PRIMA1: variants seen among roughly 807,000 people sequenced by gnomAD.
PRIMA1 encodes proline rich membrane anchor 1, also known as proline-rich membrane anchor 1.
In PRIMA1, 7 loss-of-function variants were observed where a neutral mutation model predicts 17.5. The observed-to-expected ratio is 0.40, with a 90% confidence interval of 0.23 to 0.75. The LOEUF (loss-of-function observed/expected upper bound fraction) is 0.75, where lower values mean the gene tolerates loss of function less well. Among genes scored for constraint, PRIMA1 ranks in the 30% least tolerant of loss-of-function variants. The pLI, the probability that PRIMA1 is intolerant of heterozygous loss-of-function variation, is 0.37. For synonymous variants in PRIMA1, 97 were observed against 77.9 expected (o/e 1.25, Z -1.29); for missense variants, 200 against 201.8 (o/e 0.99, Z 0.05).
intron 3 of PRIMA1, among the ~76,000 whole-genome samples, chr14:93,756,031 T>C (rs548790053): frequency 6.6e-6 from 1 of 152,094 alleles, no homozygotes; most frequent in Non-Finnish European, 1.5e-5. Context: ...GCAATCCAGG[T>C]TGAGAGCCCT....
At chr14:93,734,686 A>ATG (rs2076137817) in intron 4 of PRIMA1, among the ~76,000 whole-genome samples, 1 of 151,040 alleles carries the variant, frequency 6.6e-6, no homozygotes, top group African/African-American at 2.4e-5. Context: ...AGCCCCGCCC[A>ATG]CACCACATAA....
rs1413696694 is a variant in PRIMA1, at chr14:93,726,859, A to G, written c.360-5313T>C. Among the ~76,000 whole-genome samples the G allele has an allele frequency of 6.6e-6, 1 of 152,166 alleles. No individual in the cohort carries two copies. Among genetic ancestry groups the G allele is most frequent in the Non-Finnish European group, 1.5e-5 (1 of 68,026 alleles). ...CACATGTCCCTACACACATATGCAC[A>G]CATACACATATGTGCACATGCATGC... On this transcript the variant is annotated intron_variant, in intron 4 of 4. Coordinates refer to ENST00000393140, the MANE Select transcript of PRIMA1 (RefSeq NM_178013.4). This position sits in a 1 kb window ranked among gnomAD's most constrained non-coding sequence, Gnocchi z 4.2.
In PRIMA1 at chr14:93,753,847, G is replaced by A. The variant is rs561974635; in HGVS notation, c.230-16477C>T. 3.8e-3 allele frequency among the ~76,000 whole-genome samples: 581 copies of A among 152,202 alleles called. 3 individuals are homozygous for A. Among genetic ancestry groups the A allele is most frequent in the African/African-American group, 0.014 (561 of 41,522 alleles). On this transcript the variant is annotated intron_variant, in intron 3 of 4. Transcript: ENST00000393140. ...TTAAAGTGCACGCTGCCAAACCCCCGGAAACACGAAATCCCACAATGTGAA... is the reference window on the plus strand; with the variant it reads ...TTAAAGTGCACGCTGCCAAACCCCCAGAAACACGAAATCCCACAATGTGAA...
Position 93,779,254 on chromosome 14 carries a change from C to G in PRIMA1, c.151G>C (p.Val51Leu). Reference sequence around the variant, plus strand: ...GGGGGAGGGGGCCGGCACTGGCAGACGTGTCGGCAGCTGTCAGTCACTTTG... The same window carrying G: ...GGGGGAGGGGGCCGGCACTGGCAGAGGTGTCGGCAGCTGTCAGTCACTTTG... ...CSKVTDSCRHVCQCRPPPPLP... is the reference protein window; with the variant it reads ...CSKVTDSCRHLCQCRPPPPLP... The change falls in exon 3 of 5, where the codon GTC (valine) becomes CTC (leucine). Residue 51 changes from valine to leucine, a missense_variant. Val to Leu is a conservative substitution (Grantham distance 32). Transcript: ENST00000393140. 6.5e-7 allele frequency: 1 copy of G among 1,537,380 alleles called. No individual in the cohort carries two copies. Among genetic ancestry groups the G allele is most frequent in the South Asian group, 1.3e-5 (1 of 78,782 alleles).
At chr14:93,769,824 A>G in intron 3 of PRIMA1, among the ~76,000 whole-genome samples, 1 of 152,198 alleles carries the variant, frequency 6.6e-6, no homozygotes, top group East Asian at 1.9e-4. Flanking sequence ...ATTCTTGCGA[A>G]TGTCCCAGAG....
intron 4 of PRIMA1, among the ~76,000 whole-genome samples, chr14:93,730,330 C>G (rs898106361): frequency 2.0e-5 from 3 of 152,358 alleles, no homozygotes; most frequent in Middle Eastern, 3.4e-3. Flanking sequence ...AGCTATAACT[C>G]TAGCAGTTGG....
Position 93,718,577 on chromosome 14 carries a change from T to A in PRIMA1, c.*2867A>T, listed in dbSNP as rs1333962039. The A allele has an allele frequency of 6.6e-6, 1 of 152,560 alleles. No individual in the cohort carries two copies. Among genetic ancestry groups the A allele is most frequent in the Non-Finnish European group, 1.5e-5 (1 of 68,020 alleles). 9.5% of individuals were successfully genotyped at this position (152,560 alleles called of 1,614,324 possible). On this transcript the variant is annotated 3_prime_UTR_variant, in exon 5 of 5. Coordinates refer to ENST00000393140, the MANE Select transcript of PRIMA1 (RefSeq NM_178013.4). Reference sequence around the variant, plus strand: ...CATTCATGCATTACGTATCTCACACTACCTGGGCAGTTTAACTCATACTTT... The same window carrying A: ...CATTCATGCATTACGTATCTCACACAACCTGGGCAGTTTAACTCATACTTT...
chr14:93,745,181 C>A (rs1049744652), intron 3 of PRIMA1, among the ~76,000 whole-genome samples: 2 of 152,170 alleles, frequency 1.3e-5, no homozygotes, highest in Admixed American at 1.3e-4. Flanking sequence ...CTGAGCACGT[C>A]CCCCCTCTCA....
intron 4 of PRIMA1, among the ~76,000 whole-genome samples, chr14:93,736,570 G>A (rs1418101573): frequency 6.6e-6 from 1 of 152,232 alleles, no homozygotes; most frequent in Non-Finnish European, 1.5e-5. Flanking sequence ...CGCCATGCCC[G>A]GGCCCTGCCG....
At chr14:93,728,123 C>T (rs1457670209) in intron 4 of PRIMA1, among the ~76,000 whole-genome samples, 1 of 152,234 alleles carries the variant, frequency 6.6e-6, no homozygotes, top group African/African-American at 2.4e-5. Flanking sequence ...GGGCGCCTCT[C>T]TTCACGGGCA....
chr14:93,755,333 C>T (rs974113217), intron 3 of PRIMA1, among the ~76,000 whole-genome samples: 4 of 152,154 alleles, frequency 2.6e-5, no homozygotes, highest in Admixed American at 1.3e-4. Context: ...GCTTTCACAT[C>T]GGTGTGATGG....
intron 3 of PRIMA1, among the ~76,000 whole-genome samples, chr14:93,746,197 G>C (rs1941670620): frequency 6.6e-6 from 1 of 152,146 alleles, no homozygotes; most frequent in South Asian, 2.1e-4. Flanking sequence ...GGAAAAGTCT[G>C]CTGGGGGCTC....
chr14:93,734,943 C>T lies in PRIMA1; in HGVS notation c.359+2298G>A, dbSNP rs914773174. Among the ~76,000 whole-genome samples, 4 of 152,286 alleles carry T rather than the reference C, an allele frequency of 2.6e-5. 1 individual carries two copies. In the South Asian group the frequency reaches 8.3e-4, roughly 32 times the overall value. ...TCACACCCTTCCTGGGAGCCCCCAG[C>T]CCACCTGAGACAAAGCCCAGCAGGC... On this transcript the variant is annotated intron_variant, in intron 4 of 4. Transcript: ENST00000393140.
At chr14:93,787,815 T>G (rs1394199149) in intron 1 of PRIMA1, 66 bp from the exon 2 acceptor site, 3 of 1,485,726 alleles carry the variant, frequency 2.0e-6, no homozygotes, top group Admixed American at 2.1e-5. Flanking sequence ...CGCGCACCAA[T>G]ATACCTCCCA....
chr14:93,783,302 C>G (rs1885433755), intron 2 of PRIMA1, among the ~76,000 whole-genome samples: 4 of 152,228 alleles, frequency 2.6e-5, no homozygotes, highest in Admixed American at 2.6e-4. Flanking sequence ...CCACTCTTAA[C>G]AGGTGGCTTG....
At chr14:93,728,510 GCC>G (rs765868186) in intron 4 of PRIMA1, among the ~76,000 whole-genome samples, 21 of 152,252 alleles carry the variant, frequency 1.4e-4, no homozygotes, top group Non-Finnish European at 2.9e-4. Context: ...GCAGAAGCCA[GCC>G]CCTGTAGGGT....
intron 4 of PRIMA1, among the ~76,000 whole-genome samples, chr14:93,727,187 C>T (rs974498167): frequency 1.4e-4 from 21 of 152,340 alleles, no homozygotes; most frequent in Non-Finnish European, 1.5e-4. Flanking sequence ...CCTGTTTGGC[C>T]GCCTCCGCTG....
intron 3 of PRIMA1, 33 bp from the exon 4 acceptor site, chr14:93,737,403 T>C (rs1176283368): frequency 6.2e-7 from 1 of 1,607,240 alleles, no homozygotes; most frequent in African/African-American, 1.3e-5. Context: ...GAGTGTCACC[T>C]GGATGAGCTG....
intron 4 of PRIMA1, among the ~76,000 whole-genome samples, chr14:93,735,952 A>G (rs1458775031): frequency 2.0e-5 from 3 of 152,112 alleles, no homozygotes; most frequent in African/African-American, 7.2e-5. Flanking sequence ...ACCTCCCAAA[A>G]TGCCGGGATT....
Sources: gnomAD v4.1 joint callset for allele counts (sites outside exome capture counted in the v4.1 genomes callset) on GRCh38, gnomAD v4.1.1 for gene constraint, Gnocchi (gnomAD v3.1) non-coding constraint, MANE v1.5 for transcripts, NCBI Gene and HGNC (gene_info 2026-07-23, HGNC 2026-07-21) for gene names.